The following TRIM33 variants were observed in gnomAD, a reference collection of about 807,000 sequenced individuals.
TRIM33 encodes tripartite motif containing 33.
Under a neutral mutation model 125.4 loss-of-function variants are expected in TRIM33, and 20 were observed. The ratio of observed to expected loss-of-function variants is 0.16; its 90% CI spans 0.11 to 0.23. TRIM33 has a LOEUF of 0.23. Ranked by LOEUF, TRIM33 falls within the 10% of genes least tolerant of loss-of-function variation. The pLI, the probability that TRIM33 is intolerant of heterozygous loss-of-function variation, is 1.00. For missense variants in TRIM33, 920 were observed against 1,411.4 expected (o/e 0.65, Z 5.58); for synonymous variants, 564 against 513.9 (o/e 1.10, Z -1.32).
intron 1 of TRIM33, chr1:114,468,769 AAAAAGATG>A (rs1410245168): frequency 5.3e-6 from 2 of 380,418 alleles, no homozygotes; most frequent in Non-Finnish European, 1.0e-5. Flanking sequence ...GAAGACAGCA[AAAAAGATG>A]ACAGTATCTC....
At chr1:114,488,340 C>T (rs1489836081) in intron 1 of TRIM33, among the ~76,000 whole-genome samples, 1 of 152,176 alleles carries the variant, frequency 6.6e-6, no homozygotes, top group Non-Finnish European at 1.5e-5. Flanking sequence ...AATATACCTA[C>T]ATACCTTAAA....
intron 1 of TRIM33, among the ~76,000 whole-genome samples, chr1:114,472,504 G>A (rs762297384): frequency 1.3e-5 from 2 of 152,180 alleles, no homozygotes. Flanking sequence ...AGCCAGAGGC[G>A]GGCAGATCGC....
intron 4 of TRIM33, among the ~76,000 whole-genome samples, chr1:114,450,493 G>A (rs571710172): frequency 2.6e-5 from 4 of 152,036 alleles, no homozygotes; most frequent in Non-Finnish European, 4.4e-5. Flanking sequence ...CACCACACCC[G>A]GACTAACGTT....
intron 1 of TRIM33, chr1:114,468,612 G>A (rs1650450667): frequency 4.8e-6 from 2 of 417,400 alleles, no homozygotes; most frequent in Non-Finnish European, 9.3e-6. Context: ...AAGGTGTAAA[G>A]GATCTTAAGA....
At position 114,407,106 on chromosome 1, in the gene TRIM33, A is replaced by G. The variant is rs774384586; in HGVS notation, c.2259-6T>C. On this transcript the variant is annotated splice_polypyrimidine_tract_variant and splice_region_variant and intron_variant, in intron 13 of 19. Coordinates refer to ENST00000358465, the MANE Select transcript of TRIM33 (RefSeq NM_015906.4). ...TTCTTCCTGATGACCCACAGCTAAT[A>G]AGAAACAACAAATAAAGATCACATA... is the stretch of plus-strand genomic sequence containing the variant. 32 of 1,607,146 alleles carry G rather than the reference A, an allele frequency of 2.0e-5. No individual in the cohort carries two copies. The highest frequency in any genetic ancestry group is 2.5e-5 in the Non-Finnish European group (30 of 1,177,554).
At chr1:114,509,155 G>A (rs947180879) in intron 1 of TRIM33, among the ~76,000 whole-genome samples, 28 of 152,086 alleles carry the variant, frequency 1.8e-4, no homozygotes, top group Non-Finnish European at 3.7e-4. Flanking sequence ...TCAGAAATCT[G>A]ATCCTTTTAT....
intron 4 of TRIM33, among the ~76,000 whole-genome samples, chr1:114,462,295 T>G (rs1301217108): frequency 6.6e-6 from 1 of 152,174 alleles, no homozygotes; most frequent in Non-Finnish European, 1.5e-5. Context: ...CTAATAAACT[T>G]CAATGAATTC....
chr1:114,485,498 A>G (rs987776646), intron 1 of TRIM33, among the ~76,000 whole-genome samples: 1 of 152,158 alleles, frequency 6.6e-6, no homozygotes, highest in Admixed American at 6.5e-5. Flanking sequence ...ATCCAGTGGA[A>G]TGAGTTAGCC....
intron 1 of TRIM33, among the ~76,000 whole-genome samples, chr1:114,505,573 T>G (rs770182668): frequency 6.6e-6 from 1 of 152,204 alleles, no homozygotes; most frequent in Non-Finnish European, 1.5e-5. Context: ...TTGTTTCGTT[T>G]TGTTTTGTTT....
intron 1 of TRIM33, among the ~76,000 whole-genome samples, chr1:114,485,918 C>G (rs1651653568): frequency 6.6e-6 from 1 of 152,148 alleles, no homozygotes; most frequent in South Asian, 2.1e-4. Context: ...CCAAGATGAT[C>G]AGATATCACA....
intron 1 of TRIM33, among the ~76,000 whole-genome samples, chr1:114,479,561 TAAAC>T (rs1274290692): frequency 1.3e-5 from 2 of 152,062 alleles, no homozygotes; most frequent in Non-Finnish European, 2.9e-5. Flanking sequence ...CAGCCACAGG[TAAAC>T]AAAATTTGAG....
At chr1:114,405,812 G>T in intron 14 of TRIM33, 53 bp from the exon 15 acceptor site, 2 of 1,437,452 alleles carry the variant, frequency 1.4e-6, no homozygotes, top group Non-Finnish European at 1.9e-6. Context: ...TTTATTGTAT[G>T]CCATATGTGT....
chr1:114,491,749 A>G (rs1652083410), intron 1 of TRIM33, among the ~76,000 whole-genome samples: 1 of 152,166 alleles, frequency 6.6e-6, no homozygotes, highest in Admixed American at 6.6e-5. Context: ...GGTTGCAGTA[A>G]GCCGTAACTG....
chr1:114,451,474 T>C (rs1186944716), intron 4 of TRIM33, among the ~76,000 whole-genome samples: 5 of 152,054 alleles, frequency 3.3e-5, no homozygotes, highest in Admixed American at 6.5e-5. Flanking sequence ...TTAATGTGAA[T>C]AGAATTTTTG....
rs1461868846 is a variant in TRIM33, at chr1:114,510,755, C to T, written c.322G>A (p.Gly108Ser). The T allele has an allele frequency of 3.3e-6, 5 of 1,523,984 alleles. No individual in the cohort carries two copies. The highest frequency in any genetic ancestry group is 2.0e-5 in the Admixed American group (1 of 49,592). 94.4% of individuals were successfully genotyped at this position (1,523,984 alleles called of 1,614,324 possible). A position where few individuals can be genotyped will look rare whatever the true frequency, so the allele number is the denominator to read the frequency against. The change falls in exon 1 of 20, where the codon GGT becomes AGT. Residue 108 changes from glycine to serine, a missense_variant. By Grantham distance (56) the Gly-to-Ser change is moderately conservative. Transcript: ENST00000358465. ...APAPASAPAP[G>S]PSAGPPPGPP... ...CCAGGAGGCGGCCCTGCCGAGGGACCCGGAGCGGGAGCCGAGGCTGGAGCT... is the reference window on the plus strand; with the variant it reads ...CCAGGAGGCGGCCCTGCCGAGGGACTCGGAGCGGGAGCCGAGGCTGGAGCT...
chr1:114,479,601 A>G (rs1651177511), intron 1 of TRIM33, among the ~76,000 whole-genome samples: 1 of 152,236 alleles, frequency 6.6e-6, no homozygotes, highest in Admixed American at 6.5e-5. Context: ...GCATATTTGT[A>G]CCACAAAAAA....
At chr1:114,484,296 G>A (rs920204713) in intron 1 of TRIM33, among the ~76,000 whole-genome samples, 6 of 151,870 alleles carry the variant, frequency 4.0e-5, no homozygotes, top group South Asian at 4.2e-4. Flanking sequence ...CCATGCCCAC[G>A]TTTTACTTTT....
At chr1:114,416,871 CCT>C (rs1240760399) in intron 11 of TRIM33, among the ~76,000 whole-genome samples, 3 of 152,168 alleles carry the variant, frequency 2.0e-5, no homozygotes, top group Non-Finnish European at 4.4e-5. Context: ...CACAATTAAA[CCT>C]CTTTTCTTTA....
At chr1:114,477,387 A>C (rs1651042688) in intron 1 of TRIM33, among the ~76,000 whole-genome samples, 1 of 152,190 alleles carries the variant, frequency 6.6e-6, no homozygotes, top group South Asian at 2.1e-4. Flanking sequence ...TCAAGTCAGA[A>C]ACCAGGCATG....
Sources: gnomAD v4.1 joint callset for allele counts (sites outside exome capture counted in the v4.1 genomes callset) on GRCh38, gnomAD v4.1.1 for gene constraint, MANE v1.5 for transcripts, NCBI Gene and HGNC (gene_info 2026-07-23, HGNC 2026-07-21) for gene names.